The following OR5AR1 variants were observed in gnomAD, a reference collection of about 807,000 sequenced individuals.
The protein encoded by OR5AR1 is olfactory receptor family 5 subfamily AR member 1.
OR5AR1 carries 19 observed loss-of-function variants against 12.3 expected under a neutral mutation model. The ratio of observed to expected loss-of-function variants is 1.55; its 90% CI spans 1.08 to 2.27. The LOEUF (loss-of-function observed/expected upper bound fraction) is 2.27, where lower values mean the gene tolerates loss of function less well. Among genes scored for constraint, OR5AR1 ranks in the 30% most tolerant of loss-of-function variants. The pLI is 0.00. For missense variants in OR5AR1, 432 were observed against 378.4 expected (o/e 1.14, Z -1.18); for synonymous variants, 156 against 138.8 (o/e 1.12, Z -0.87).
chr11:56,663,917 G>GC lies in OR5AR1; in HGVS notation c.237dup (p.Arg80GlnfsTer5). 1.9e-6 allele frequency: 3 copies of GC among 1,613,954 alleles called. No individual in the cohort carries two copies. In the South Asian group the frequency reaches 3.3e-5, roughly 18 times the overall value. The stretch of plus-strand genomic sequence containing the variant: ...TGACCTGGGCTACTCCTCAGCCATT[G>GC]CCCCCAGGATGCTGGCTGACTTCCT... On this transcript the variant is annotated frameshift_variant, in exon 1 of 1. Coordinates refer to ENST00000624596, the MANE Select transcript of OR5AR1 (RefSeq NM_001004730.1). LOFTEE classifies it high-confidence loss of function.
chr11:56,664,550 A>G lies in OR5AR1; in HGVS notation c.865A>G (p.Ile289Val). 1 of 1,613,710 alleles carries G rather than the reference A, an allele frequency of 6.2e-7. No homozygotes were observed. Among genetic ancestry groups the G allele is most frequent in the Non-Finnish European group, 8.5e-7 (1 of 1,179,772 alleles). Residue 289 changes from isoleucine (I) to valine (V), a missense_variant, in exon 1 of 1, where the codon ATC (isoleucine) becomes GTC (valine). Transcript: ENST00000624596. ...TATCATCCCCATGTTAAATCCCTTG[A>G]TCTACAGTTTGCGGAACAAGGATGT... Reference protein sequence around the residue: ...TVIIPMLNPLIYSLRNKDVKA... With the variant: ...TVIIPMLNPLVYSLRNKDVKA...
rs149636006 is a variant in OR5AR1 at position 56,664,316 on chromosome 11, A to G, written c.631A>G (p.Ile211Val). 145 of 1,613,882 alleles carry G rather than the reference A, an allele frequency of 9.0e-5. No individual in the cohort carries two copies. Among genetic ancestry groups the G allele is most frequent in the Middle Eastern group, 1.6e-4 (1 of 6,084 alleles). Residue 211 changes from isoleucine (I) to valine (V), a missense_variant, in exon 1 of 1, where the codon ATC (isoleucine) becomes GTC (valine). Coordinates refer to ENST00000624596, the MANE Select transcript of OR5AR1 (RefSeq NM_001004730.1). ...GTGTGGCTTCATTGAATTCAGCACCATCCTCATCATCTTCATCTCCTATAC... is the reference window on the plus strand; with the variant it reads ...GTGTGGCTTCATTGAATTCAGCACCGTCCTCATCATCTTCATCTCCTATAC... ...SLCGFIEFST[I>V]LIIFISYTFI...
At position 56,664,136 on chromosome 11, in the gene OR5AR1, G is replaced by C; in HGVS notation, c.451G>C (p.Ala151Pro). Residue 151 changes from alanine to proline, a missense_variant, in exon 1 of 1, where the codon GCT (alanine) becomes CCT (proline). Physicochemically the swap from Ala to Pro is conservative, Grantham distance 27. Coordinates refer to ENST00000624596, the MANE Select transcript of OR5AR1 (RefSeq NM_001004730.1). ...CLALMLGSYL[A>P]GLVSLVAHTT... ...GGCTCTCATGCTGGGCTCTTACCTG[G>C]CTGGTCTAGTGAGTTTAGTAGCCCA... is the stretch of plus-strand genomic sequence containing the variant. 1 of 1,613,982 alleles carries C rather than the reference G, an allele frequency of 6.2e-7. No homozygotes were observed. The highest frequency in any genetic ancestry group is 8.5e-7 in the Non-Finnish European group (1 of 1,179,998).
Position 56,663,870 on chromosome 11 carries a change from T to G in OR5AR1, c.185T>G (p.Phe62Cys), listed in dbSNP as rs779696662. 12 of 1,614,120 alleles carry G rather than the reference T, an allele frequency of 7.4e-6. No individual in the cohort carries two copies. Among genetic ancestry groups the G allele is most frequent in the Non-Finnish European group, 8.5e-6 (10 of 1,180,016 alleles). ...DTQLHTPMYF[F>C]LCNLSFVDLG... ...CAGCTTCACACACCCATGTATTTTT[T>G]CCTCTGCAACCTCTCCTTTGTTGAC... Residue 62 changes from phenylalanine to cysteine, a missense_variant, in exon 1 of 1, where the codon TTC (phenylalanine) becomes TGC (cysteine). Transcript: ENST00000624596.
rs770436570 is a variant in OR5AR1 at position 56,663,803 on chromosome 11, G to A, written c.118G>A (p.Val40Met). The stretch of plus-strand genomic sequence containing the variant: ...CCTCATAGTTTACCTGGTTAATGTA[G>A]TGGGGAATATTGGTATGATTATCCT... ...VFLIVYLVNV[V>M]GNIGMIILIT... The change falls in exon 1 of 1, where the codon GTG becomes ATG. Residue 40 changes from valine to methionine, a missense_variant. Coordinates refer to ENST00000624596, the MANE Select transcript of OR5AR1 (RefSeq NM_001004730.1). The A allele has an allele frequency of 1.2e-6, 2 of 1,613,672 alleles. No individual in the cohort carries two copies. The highest frequency in any genetic ancestry group is 1.6e-4 in the Middle Eastern group (1 of 6,084).
chr11:56,663,744 A>G lies in OR5AR1; in HGVS notation c.59A>G (p.Asp20Gly). The change falls in exon 1 of 1, where the codon GAC (aspartate) becomes GGC (glycine). Residue 20 changes from aspartate to glycine, a missense_variant. Transcript: ENST00000624596. Reference sequence around the variant, plus strand: ...TTTATCTTCATGGGCATCACCCAGGACCCTCAGATGGAGATCATCTTCTTC... The same window carrying G: ...TTTATCTTCATGGGCATCACCCAGGGCCCTCAGATGGAGATCATCTTCTTC... ...TEFIFMGITQ[D>G]PQMEIIFFVV... 1.9e-6 allele frequency: 3 copies of G among 1,613,560 alleles called. No individual in the cohort carries two copies. Among genetic ancestry groups the G allele is most frequent in the Non-Finnish European group, 2.5e-6 (3 of 1,179,646 alleles).
At position 56,664,572 on chromosome 11, in the gene OR5AR1, A is replaced by C; in HGVS notation, c.887A>C (p.Asp296Ala). 6.2e-7 allele frequency: 1 copy of C among 1,602,318 alleles called. No homozygotes were observed. The highest frequency in any genetic ancestry group is 8.5e-7 in the Non-Finnish European group (1 of 1,174,852). The change falls in exon 1 of 1, where the codon GAT becomes GCT. Residue 296 changes from aspartate to alanine, a missense_variant. By Grantham distance (126) the Asp-to-Ala change is moderately radical. Coordinates refer to ENST00000624596, the MANE Select transcript of OR5AR1 (RefSeq NM_001004730.1). ...NPLIYSLRNK[D>A]VKAAFKKLIG... ...TTGATCTACAGTTTGCGGAACAAGG[A>C]TGTGAAAGCTGCTTTCAAAAAGCTA... is the stretch of plus-strand genomic sequence containing the variant.
In OR5AR1 at chr11:56,663,889, T is replaced by C. The variant is rs749835412; in HGVS notation, c.204T>C (p.Phe68=). 3 of 1,613,976 alleles carry C rather than the reference T, an allele frequency of 1.9e-6. No individual in the cohort carries two copies. Among genetic ancestry groups the C allele is most frequent in the African/African-American group, 1.3e-5 (1 of 74,928 alleles). Residue 68 remains phenylalanine, a synonymous_variant, in exon 1 of 1, where the codon TTT becomes TTC. Transcript: ENST00000624596. The stretch of plus-strand genomic sequence containing the variant: ...ATTTTTTCCTCTGCAACCTCTCCTT[T>C]GTTGACCTGGGCTACTCCTCAGCCA... ...PMYFFLCNLS[F]VDLGYSSAIA...
rs1484896888 is a variant in OR5AR1, at chr11:56,663,964, C to T, written c.279C>T (p.Ser93=). ...TCCTAACAAATCACAAAGTTATCTCCTTCTCCAGCTGTGCCACCCAGTTTG... is the reference window on the plus strand; with the variant it reads ...TCCTAACAAATCACAAAGTTATCTCTTTCTCCAGCTGTGCCACCCAGTTTG... ...ADFLTNHKVI[S]FSSCATQFAF... Residue 93 remains serine (S), a synonymous_variant, in exon 1 of 1, where the codon TCC becomes TCT. Coordinates refer to ENST00000624596, the MANE Select transcript of OR5AR1 (RefSeq NM_001004730.1). The T allele has an allele frequency of 6.2e-7, 1 of 1,614,002 alleles. No individual in the cohort carries two copies. Among genetic ancestry groups the T allele is most frequent in the Non-Finnish European group, 8.5e-7 (1 of 1,180,026 alleles).
Position 56,664,487 on chromosome 11 carries a change from C to G in OR5AR1, c.802C>G (p.Leu268Val). Residue 268 changes from leucine (L) to valine (V), a missense_variant, in exon 1 of 1, where the codon CTG becomes GTG. Leu to Val is a conservative substitution (Grantham distance 32, BLOSUM62 1). Transcript: ENST00000624596. ...MYLRPTSSYS[L>V]DQDKWASVFY... ...CCTGAGGCCAACATCCAGCTACTCC[C>G]TGGACCAAGACAAGTGGGCCTCTGT... 2 of 1,614,042 alleles carry G rather than the reference C, an allele frequency of 1.2e-6. No individual in the cohort carries two copies. Among genetic ancestry groups the G allele is most frequent in the Non-Finnish European group, 1.7e-6 (2 of 1,179,972 alleles).
In OR5AR1 at chr11:56,663,874, C is replaced by T. The variant is rs1857210697; in HGVS notation, c.189C>T (p.Leu63=). The T allele has an allele frequency of 2.5e-6, 4 of 1,614,086 alleles. No homozygotes were observed. In the East Asian group the frequency reaches 6.7e-5, roughly 27 times the overall value. The stretch of plus-strand genomic sequence containing the variant: ...TTCACACACCCATGTATTTTTTCCT[C>T]TGCAACCTCTCCTTTGTTGACCTGG... ...TQLHTPMYFF[L]CNLSFVDLGY... is the part of the protein sequence containing the mutation. Residue 63 remains leucine, a synonymous_variant, in exon 1 of 1, where the codon CTC becomes CTT. Coordinates refer to ENST00000624596, the MANE Select transcript of OR5AR1 (RefSeq NM_001004730.1).
At position 56,663,859 on chromosome 11, in the gene OR5AR1, C is replaced by A. The variant is rs1434021968; in HGVS notation, c.174C>A (p.Pro58=). The A allele has an allele frequency of 1.9e-6, 3 of 1,613,990 alleles. No homozygotes were observed. In the South Asian group the frequency reaches 3.3e-5, roughly 18 times the overall value. ...CAACAGACACTCAGCTTCACACACC[C>A]ATGTATTTTTTCCTCTGCAACCTCT... ...LITTDTQLHT[P]MYFFLCNLSF... The change falls in exon 1 of 1, where the codon CCC becomes CCA. Residue 58 remains proline (P), a synonymous_variant. Transcript: ENST00000624596.
In OR5AR1 at chr11:56,664,145, G is replaced by A. The variant is rs142377274; in HGVS notation, c.460G>A (p.Val154Met). The A allele has an allele frequency of 1.6e-5, 26 of 1,613,998 alleles. No homozygotes were observed. In the East Asian group the frequency reaches 4.9e-4, roughly 30 times the overall value. Residue 154 changes from valine to methionine, a missense_variant, in exon 1 of 1, where the codon GTG (valine) becomes ATG (methionine). Physicochemically the swap from Val to Met is conservative, Grantham distance 21. Transcript: ENST00000624596. The part of the protein sequence containing the change: ...LMLGSYLAGL[V>M]SLVAHTTLTF... ...GCTGGGCTCTTACCTGGCTGGTCTA[G>A]TGAGTTTAGTAGCCCACACTACCCT...
chr11:56,663,837 C>G lies in OR5AR1; in HGVS notation c.152C>G (p.Thr51Arg), dbSNP rs759708965. ...ATTGGTATGATTATCCTGATTACAA[C>G]AGACACTCAGCTTCACACACCCATG... ...GNIGMIILITTDTQLHTPMYF... is the reference protein window; with the variant it reads ...GNIGMIILITRDTQLHTPMYF... Residue 51 changes from threonine to arginine, a missense_variant, in exon 1 of 1, where the codon ACA becomes AGA. Thr to Arg is a moderately conservative substitution (Grantham distance 71). Transcript: ENST00000624596. 5 of 1,613,994 alleles carry G rather than the reference C, an allele frequency of 3.1e-6. No individual in the cohort carries two copies. Among genetic ancestry groups the G allele is most frequent in the Non-Finnish European group, 3.4e-6 (4 of 1,179,936 alleles).
In OR5AR1 at chr11:56,664,528, C is replaced by T. The variant is rs1468294944; in HGVS notation, c.843C>T (p.Ile281=). The change falls in exon 1 of 1, where the codon ATC becomes ATT. Residue 281 remains isoleucine (I), a synonymous_variant. Transcript: ENST00000624596. ...GGGCCTCTGTGTTCTACACGGTTAT[C>T]ATCCCCATGTTAAATCCCTTGATCT... ...DKWASVFYTV[I]IPMLNPLIYS... is the part of the protein sequence containing the mutation. 1.2e-6 allele frequency: 2 copies of T among 1,613,980 alleles called. No individual in the cohort carries two copies. Among genetic ancestry groups the T allele is most frequent in the Non-Finnish European group, 1.7e-6 (2 of 1,179,924 alleles).
chr11:56,664,531 C>T lies in OR5AR1; in HGVS notation c.846C>T (p.Ile282=), dbSNP rs199629298. 1.9e-6 allele frequency: 3 copies of T among 1,613,888 alleles called. No individual in the cohort carries two copies. The highest frequency in any genetic ancestry group is 2.2e-5 in the East Asian group (1 of 44,858). The change falls in exon 1 of 1, where the codon ATC becomes ATT. Residue 282 remains isoleucine, a synonymous_variant. Transcript: ENST00000624596. ...KWASVFYTVI[I]PMLNPLIYSL... ...CCTCTGTGTTCTACACGGTTATCAT[C>T]CCCATGTTAAATCCCTTGATCTACA...
At position 56,664,050 on chromosome 11, in the gene OR5AR1, G is replaced by C. The variant is rs143043362; in HGVS notation, c.365G>C (p.Arg122Pro). ...CYVLAAMAYG[R>P]FVAICRPLHY... ...GTCCTGGCAGCCATGGCCTATGGTC[G>C]TTTTGTGGCCATTTGTCGACCCCTC... Residue 122 changes from arginine (R) to proline (P), a missense_variant, in exon 1 of 1, where the codon CGT becomes CCT. Transcript: ENST00000624596. 6 of 1,613,978 alleles carry C rather than the reference G, an allele frequency of 3.7e-6. No individual in the cohort carries two copies. Among genetic ancestry groups the C allele is most frequent in the Non-Finnish European group, 4.2e-6 (5 of 1,179,988 alleles).
In OR5AR1 at chr11:56,663,996, T is replaced by C. The variant is rs765587670; in HGVS notation, c.311T>C (p.Phe104Ser). The C allele has an allele frequency of 3.1e-5, 50 of 1,613,986 alleles. No homozygotes were observed. The highest frequency in any genetic ancestry group is 3.8e-5 in the Non-Finnish European group (45 of 1,180,026). ...AGCTGTGCCACCCAGTTTGCTTTTTTTGTAGGTTTTGTGGATGCTGAGTGC... is the reference window on the plus strand; with the variant it reads ...AGCTGTGCCACCCAGTTTGCTTTTTCTGTAGGTTTTGTGGATGCTGAGTGC... ...FSSCATQFAF[F>S]VGFVDAECYV... is the part of the protein sequence containing the mutation. The change falls in exon 1 of 1, where the codon TTT becomes TCT. Residue 104 changes from phenylalanine to serine, a missense_variant. Physicochemically the swap from Phe to Ser is radical, Grantham distance 155 (BLOSUM62 -2). Transcript: ENST00000624596.
rs776411855 is a variant in OR5AR1, at chr11:56,663,994, T to A, written c.309T>A (p.Phe103Leu). 5 of 1,614,078 alleles carry A rather than the reference T, an allele frequency of 3.1e-6. No individual in the cohort carries two copies. In the South Asian group the frequency reaches 5.5e-5, roughly 18 times the overall value. The change falls in exon 1 of 1, where the codon TTT becomes TTA. Residue 103 changes from phenylalanine (F) to leucine (L), a missense_variant. Transcript: ENST00000624596. ...SFSSCATQFA[F>L]FVGFVDAECY... ...CCAGCTGTGCCACCCAGTTTGCTTT[T>A]TTTGTAGGTTTTGTGGATGCTGAGT...
Sources: gnomAD v4.1 joint callset for allele counts on GRCh38, gnomAD v4.1.1 for gene constraint, MANE v1.5 for transcripts, NCBI Gene and HGNC (gene_info 2026-07-23, HGNC 2026-07-21) for gene names.